PRDM16: variants seen among roughly 807,000 people sequenced by gnomAD.
The protein encoded by PRDM16 is histone-lysine N-methyltransferase PRDM16.
In PRDM16, 23 loss-of-function variants were observed where a neutral mutation model predicts 110.6. The observed-to-expected ratio is 0.21, with a 90% confidence interval of 0.15 to 0.29. The LOEUF (loss-of-function observed/expected upper bound fraction) is 0.29. Ranked by LOEUF, PRDM16 falls within the 10% of genes least tolerant of loss-of-function variation. PRDM16 has a pLI of 1.00. For missense variants in PRDM16, 1,615 were observed against 1,794.3 expected (o/e 0.90, Z 1.81); for synonymous variants, 799 against 781.8 (o/e 1.02, Z -0.37).
intron 3 of PRDM16, among the ~76,000 whole-genome samples, chr1:3,368,915 G>A (rs532604672): frequency 7.9e-5 from 12 of 152,316 alleles, no homozygotes; most frequent in African/African-American, 2.2e-4. Context: ...TTCAAATTCC[G>A]GGTAATCGGC....
intron 3 of PRDM16, among the ~76,000 whole-genome samples, chr1:3,349,426 G>A (rs1642433375): frequency 6.6e-6 from 1 of 152,320 alleles, no homozygotes. Flanking sequence ...CCAGCAAGTG[G>A]CCATGGCGGG....
chr1:3,293,477 G>T (rs986529866), intron 3 of PRDM16, among the ~76,000 whole-genome samples: 7 of 152,246 alleles, frequency 4.6e-5, no homozygotes, highest in East Asian at 3.9e-4. Context: ...TAATAGGAAG[G>T]CGCGATGGCC....
intron 3 of PRDM16, among the ~76,000 whole-genome samples, chr1:3,275,364 A>G (rs1569974173): frequency 6.6e-6 from 1 of 152,170 alleles, no homozygotes. Context: ...ACACAGGCCA[A>G]CCCAGCCTTC....
chr1:3,276,521 G>A (rs758585970), intron 3 of PRDM16, among the ~76,000 whole-genome samples: 6 of 152,226 alleles, frequency 3.9e-5, no homozygotes, highest in African/African-American at 9.6e-5. Context: ...ACCCGGACCC[G>A]CCCGCAGGAA....
At chr1:3,176,600 A>G (rs893216091) in intron 1 of PRDM16, among the ~76,000 whole-genome samples, 26 of 146,754 alleles carry the variant, frequency 1.8e-4, no homozygotes, top group Middle Eastern at 3.9e-3. Flanking sequence ...CTGTCCATCC[A>G]TCCATCATCC....
rs1643726624 is a variant in PRDM16 at position 3,148,847 on chromosome 1, A to AT, written c.38-37273dup. 1.3e-5 allele frequency among the ~76,000 whole-genome samples: 2 copies of AT among 152,176 alleles called. No individual in the cohort carries two copies. The highest frequency in any genetic ancestry group is 4.8e-5 in the African/African-American group (2 of 41,446). On this transcript the variant is annotated intron_variant, in intron 1 of 16. Transcript: ENST00000270722. This position sits in a 1 kb window ranked among gnomAD's most constrained non-coding sequence, Gnocchi z 5.0. ...AGAAAGCCAGGATGTTTGTTAATTT[A>AT]TTTTTAAGATTTAGTGTGTTGTGGG...
chr1:3,430,978 G>C lies in PRDM16; in HGVS notation c.3391G>C (p.Glu1131Gln). 2 of 1,610,710 alleles carry C rather than the reference G, an allele frequency of 1.2e-6. No individual in the cohort carries two copies. The highest frequency in any genetic ancestry group is 1.7e-6 in the Non-Finnish European group (2 of 1,178,430). Residue 1131 changes from glutamate (E) to glutamine (Q), a missense_variant, in exon 15 of 17, where the codon GAG (glutamate) becomes CAG (glutamine). Coordinates refer to ENST00000270722, the MANE Select transcript of PRDM16 (RefSeq NM_022114.4). The part of the protein sequence containing the change: ...EDDDDLEEDD[E>Q]DSLAGKSQDD... ...CGACGATGACCTGGAGGAGGACGAT[G>C]AGGACAGCCTGGCCGGGAAGTCGCA...
At position 3,265,895 on chromosome 1, in the gene PRDM16, C is replaced by T. The variant is rs1439119347; in HGVS notation, c.438+21758C>T. ...GGTCGTGCAGTGCTCCCCAGGGCTC[C>T]GCACTGCTCCCCAGGGTTCCTTGGT... On this transcript the variant is annotated intron_variant, in intron 3 of 16. Coordinates refer to ENST00000270722, the MANE Select transcript of PRDM16 (RefSeq NM_022114.4). This position sits in a 1 kb window ranked among gnomAD's most constrained non-coding sequence, Gnocchi z 4.5. Among the ~76,000 whole-genome samples, 1 of 152,042 alleles carries T rather than the reference C, an allele frequency of 6.6e-6. No homozygotes were observed. Among genetic ancestry groups the T allele is most frequent in the South Asian group, 2.1e-4 (1 of 4,818 alleles).
At chr1:3,284,237 A>T (rs1640798290) in intron 3 of PRDM16, among the ~76,000 whole-genome samples, 1 of 152,240 alleles carries the variant, frequency 6.6e-6, no homozygotes. Flanking sequence ...CAGGTTCCCC[A>T]GACATTATCT....
intron 5 of PRDM16, among the ~76,000 whole-genome samples, chr1:3,400,789 G>A (rs947373504): frequency 1.3e-4 from 20 of 152,152 alleles, no homozygotes; most frequent in African/African-American, 3.4e-4. Context: ...GGCTGAGAAC[G>A]AAATCACAGT....
At chr1:3,322,949 G>A (rs1017484779) in intron 3 of PRDM16, among the ~76,000 whole-genome samples, 1 of 152,108 alleles carries the variant, frequency 6.6e-6, no homozygotes, top group Non-Finnish European at 1.5e-5. Flanking sequence ...TTCTAATCAC[G>A]CTCTGGTCAC....
intron 1 of PRDM16, among the ~76,000 whole-genome samples, chr1:3,103,960 G>A (rs1363433909): frequency 2.0e-5 from 3 of 152,134 alleles, no homozygotes; most frequent in Admixed American, 1.3e-4. Flanking sequence ...GGGAGTTAAC[G>A]GTTCAAACCT....
chr1:3,181,330 ACAAG>A (rs1310001463), intron 1 of PRDM16, among the ~76,000 whole-genome samples: 32 of 145,226 alleles, frequency 2.2e-4, no homozygotes, highest in South Asian at 4.4e-4. Context: ...GCAATCTTAC[ACAAG>A]CAGTCTTACA....
chr1:3,232,330 A>G (rs2100888657), intron 2 of PRDM16, among the ~76,000 whole-genome samples: 1 of 152,252 alleles, frequency 6.6e-6, no homozygotes, highest in East Asian at 1.9e-4. Flanking sequence ...GTGACATTGG[A>G]CGACTTAACC....
At chr1:3,302,379 C>A (rs952685754) in intron 3 of PRDM16, among the ~76,000 whole-genome samples, 2 of 152,118 alleles carry the variant, frequency 1.3e-5, no homozygotes, top group African/African-American at 4.8e-5. Context: ...TTTACAAGTA[C>A]TTTGTTGCCA....
chr1:3,180,588 C>T (rs1179766808), intron 1 of PRDM16, among the ~76,000 whole-genome samples: 3 of 152,168 alleles, frequency 2.0e-5, no homozygotes, highest in Non-Finnish European at 2.9e-5. Flanking sequence ...ATCAGGAGGC[C>T]CCCAGGGAAC....
intron 3 of PRDM16, among the ~76,000 whole-genome samples, chr1:3,349,632 C>G (rs919983940): frequency 6.6e-6 from 1 of 152,180 alleles, no homozygotes; most frequent in Non-Finnish European, 1.5e-5. Flanking sequence ...CGAGGCAGCC[C>G]GGCAGAGCTC....
intron 3 of PRDM16, among the ~76,000 whole-genome samples, chr1:3,356,087 T>C (rs955777472): frequency 6.6e-6 from 1 of 152,204 alleles, no homozygotes; most frequent in Non-Finnish European, 1.5e-5. Flanking sequence ...CCTTTCATGT[T>C]CTTCTGGAAA....
At chr1:3,128,940 T>C (rs1397179701) in intron 1 of PRDM16, among the ~76,000 whole-genome samples, 1 of 152,196 alleles carries the variant, frequency 6.6e-6, no homozygotes, top group Non-Finnish European at 1.5e-5. Context: ...CTTGGTTTCT[T>C]CATCTGGGAA....
Sources: allele counts gnomAD v4.1 joint callset (sites outside exome capture counted in the v4.1 genomes callset), GRCh38; gene constraint gnomAD v4.1.1; non-coding constraint Gnocchi (gnomAD v3.1); transcripts MANE v1.5; gene names NCBI Gene and HGNC (gene_info 2026-07-23, HGNC 2026-07-21).